The following MAP3K13 variants were observed in gnomAD, a reference collection of about 807,000 sequenced individuals.
MAP3K13 encodes the protein leucine zipper-bearing kinase.
A neutral mutation model predicts 104.0 loss-of-function variants in MAP3K13; 52 were observed. The observed-to-expected ratio is 0.50, with a 90% CI of 0.40 to 0.63. The LOEUF (loss-of-function observed/expected upper bound fraction) is 0.63, where lower values mean the gene tolerates loss of function less well. Among genes scored for constraint, MAP3K13 ranks in the 20% least tolerant of loss-of-function variants. The probability of loss-of-function intolerance (pLI) is 0.00; values close to 1 mark genes in which losing one functional copy is unlikely to be tolerated. For missense variants in MAP3K13, 914 were observed against 1,218.5 expected (o/e 0.75, Z 3.72); for synonymous variants, 394 against 442.2 (o/e 0.89, Z 1.37).
intron 1 of MAP3K13, among the ~76,000 whole-genome samples, chr3:185,381,724 A>G (rs1412914016): frequency 2.0e-5 from 3 of 152,238 alleles, no homozygotes; most frequent in African/African-American, 7.2e-5. Flanking sequence ...GAGAAGTTCC[A>G]TTTAGGCATG....
intron 1 of MAP3K13, among the ~76,000 whole-genome samples, chr3:185,421,045 C>T (rs1024115264): frequency 6.6e-6 from 1 of 152,126 alleles, no homozygotes; most frequent in Non-Finnish European, 1.5e-5. Context: ...AGGGCAGATA[C>T]GGGAGCACTT....
chr3:185,455,543 A>ATATATATGACATATAT (rs1491361772), intron 7 of MAP3K13, among the ~76,000 whole-genome samples: 1 of 7,466 alleles, frequency 1.3e-4, no homozygotes, highest in Admixed American at 2.3e-3. Context: ...GATATATATG[A>ATATATATGACATATAT]CATATATATG....
chr3:185,454,534 A>AGATATATAT (rs1553808047), intron 7 of MAP3K13, among the ~76,000 whole-genome samples: 4 of 29,378 alleles, frequency 1.4e-4, no homozygotes, highest in Non-Finnish European at 3.9e-4. Flanking sequence ...CATATATATG[A>AGATATATAT]GATATATATA....
At chr3:185,317,463 T>C (rs941076681) in intron 2 of MAP3K13, among the ~76,000 whole-genome samples, 4 of 152,276 alleles carry the variant, frequency 2.6e-5, no homozygotes, top group African/African-American at 9.6e-5. Context: ...TCAGTGAAAA[T>C]AGGTATCTTA....
Position 185,394,800 on chromosome 3 carries a change from A to G in MAP3K13, c.-86+31432A>G, listed in dbSNP as rs1712281739. 3.9e-5 allele frequency among the ~76,000 whole-genome samples: 6 copies of G among 152,334 alleles called. No individual in the cohort carries two copies. In the South Asian group the frequency reaches 1.2e-3, roughly 32 times the overall value. On this transcript the variant is annotated intron_variant, in intron 1 of 13. Transcript: ENST00000265026. ...CTCTAAGGAGAGGAAACTTTCTAGA[A>G]AGACCTAATTTGAAATCAGATGGAC...
At chr3:185,465,679 A>G in intron 8 of MAP3K13, 68 bp from the exon 9 acceptor site, 1 of 1,032,814 alleles carries the variant, frequency 9.7e-7, no homozygotes, top group South Asian at 1.3e-5. Flanking sequence ...CCTGTTTCTT[A>G]TTTCATCAAG....
rs2148934598 is a variant in MAP3K13, at chr3:185,485,441, TAAAC to T, written c.*2988_*2991del. The T allele has an allele frequency of 6.6e-6, 1 of 152,326 alleles. No homozygotes were observed. The highest frequency in any genetic ancestry group is 1.5e-5 in the Non-Finnish European group (1 of 68,026). 9.4% of individuals were successfully genotyped at this position (152,326 alleles called of 1,614,324 possible). ...AATATTTGATGGAACATTCCAGAAATAAACAATTCATAAATTTTAATTGCACAGC... is the reference window on the plus strand; with the variant it reads ...AATATTTGATGGAACATTCCAGAAATAATTCATAAATTTTAATTGCACAGC... On this transcript the variant is annotated 3_prime_UTR_variant, in exon 14 of 14. Transcript: ENST00000265026.
intron 1 of MAP3K13, among the ~76,000 whole-genome samples, chr3:185,405,812 T>C (rs1713082993): frequency 6.6e-6 from 1 of 152,212 alleles, no homozygotes; most frequent in Non-Finnish European, 1.5e-5. Flanking sequence ...ACACACTAGT[T>C]TGTATGCTCC....
intron 2 of MAP3K13, among the ~76,000 whole-genome samples, chr3:185,322,426 ATC>A (rs1721901330): frequency 1.3e-5 from 2 of 151,918 alleles, no homozygotes; most frequent in Non-Finnish European, 2.9e-5. Flanking sequence ...TTTTTCCTAG[ATC>A]TTTCTTTTGT....
chr3:185,463,408 A>C, intron 7 of MAP3K13, 142 bp from the exon 8 acceptor site: 1 of 557,294 alleles, frequency 1.8e-6, no homozygotes, highest in Non-Finnish European at 3.3e-6. Context: ...CTATTAATCA[A>C]ATCATATTTA....
At chr3:185,449,589 A>G (rs1021131603) in intron 5 of MAP3K13, among the ~76,000 whole-genome samples, 1 of 151,978 alleles carries the variant, frequency 6.6e-6, no homozygotes, top group African/African-American at 2.4e-5. Flanking sequence ...TTTTGATGTC[A>G]CTTCTATCAT....
At chr3:185,389,871 A>C (rs1254254596) in intron 1 of MAP3K13, among the ~76,000 whole-genome samples, 1 of 152,204 alleles carries the variant, frequency 6.6e-6, no homozygotes, top group African/African-American at 2.4e-5. Context: ...TCTTTCATGA[A>C]AAAAGAACTA....
chr3:185,344,469 A>G (rs1475389487), intron 2 of MAP3K13, among the ~76,000 whole-genome samples: 4 of 152,176 alleles, frequency 2.6e-5, no homozygotes, highest in African/African-American at 7.2e-5. Context: ...TTTCTTAAAC[A>G]TATATTACCC....
chr3:185,402,728 A>G (rs1335747171), intron 1 of MAP3K13, among the ~76,000 whole-genome samples: 2 of 152,140 alleles, frequency 1.3e-5, no homozygotes, highest in African/African-American at 4.8e-5. Context: ...GAGTGTGCAT[A>G]TATAATTATG....
At chr3:185,379,769 T>C (rs987155167) in intron 1 of MAP3K13, among the ~76,000 whole-genome samples, 1 of 152,144 alleles carries the variant, frequency 6.6e-6, no homozygotes, top group African/African-American at 2.4e-5. Flanking sequence ...CCAAGAAAGA[T>C]GAATTAGCAA....
chr3:185,344,762 T>C (rs1577446225), intron 2 of MAP3K13, among the ~76,000 whole-genome samples: 1 of 152,230 alleles, frequency 6.6e-6, no homozygotes, highest in African/African-American at 2.4e-5. Context: ...ACAGTGGCTG[T>C]TGAAACCTCT....
intron 1 of MAP3K13, among the ~76,000 whole-genome samples, chr3:185,421,173 TTTTGTTTTGTTTTG>T (rs1714102760): frequency 1.3e-5 from 2 of 151,928 alleles, no homozygotes; most frequent in Non-Finnish European, 2.9e-5. Context: ...TCTTTTTTTG[TTTTGTTTTGTTTTG>T]TTTGTTTGTT....
intron 2 of MAP3K13, among the ~76,000 whole-genome samples, chr3:185,319,015 T>G (rs376282389): frequency 6.6e-6 from 1 of 152,352 alleles, no homozygotes; most frequent in African/African-American, 2.4e-5. Flanking sequence ...CTCAATGGTT[T>G]TATCACATTT....
chr3:185,322,619 T>C (rs1721906241), intron 2 of MAP3K13, among the ~76,000 whole-genome samples: 1 of 152,228 alleles, frequency 6.6e-6, no homozygotes, highest in Admixed American at 6.5e-5. Flanking sequence ...TCTCATACTG[T>C]GTATCCAGAT....
Sources: gnomAD v4.1 joint callset for allele counts (sites outside exome capture counted in the v4.1 genomes callset) on GRCh38, gnomAD v4.1.1 for gene constraint, MANE v1.5 for transcripts, NCBI Gene and HGNC (gene_info 2026-07-23, HGNC 2026-07-21) for gene names.